Variants in CSMD1 observed in about 807,000 individuals in gnomAD.
CSMD1 encodes the protein CUB and sushi domain-containing protein 1.
A neutral mutation model predicts 417.5 loss-of-function variants in CSMD1; 213 were observed. The observed-to-expected ratio is 0.51, with a 90% CI of 0.46 to 0.57. CSMD1 has a LOEUF of 0.57. Among genes scored for constraint, CSMD1 ranks in the 20% least tolerant of loss-of-function variants. The pLI is 0.00. For synonymous variants in CSMD1, 2,862 were observed against 1,736.8 expected (o/e 1.65, Z -16.11); for missense variants, 6,923 against 4,529.7 (o/e 1.53, Z -15.17).
Position 3,157,478 on chromosome 8 carries a change from C to G in CSMD1, c.5914+419G>C, listed in dbSNP as rs142248812. ...GTTTCCAACATGAAATACTCCATCA[C>G]TCCATCAGTAATCTGTCATTCTGAA... On this transcript the variant is annotated intron_variant, in intron 39 of 69. Transcript: ENST00000635120. Among the ~76,000 whole-genome samples the G allele has an allele frequency of 2.7e-3, 408 of 152,350 alleles. 7 individuals carry two copies. Among genetic ancestry groups the G allele is most frequent in the African/African-American group, 9.4e-3 (389 of 41,586 alleles).
chr8:4,364,340 G>C (rs1801946524), intron 3 of CSMD1, among the ~76,000 whole-genome samples: 1 of 152,202 alleles, frequency 6.6e-6, no homozygotes, highest in Non-Finnish European at 1.5e-5. Flanking sequence ...AAAATAAAGA[G>C]AAATCTTACC....
At chr8:4,345,331 CCTTG>C (rs1800719707) in intron 3 of CSMD1, among the ~76,000 whole-genome samples, 8 of 152,070 alleles carry the variant, frequency 5.3e-5, no homozygotes, top group Admixed American at 5.2e-4. Context: ...TAAATCTTTT[CCTTG>C]CTTGGTTTCC....
intron 2 of CSMD1, among the ~76,000 whole-genome samples, chr8:4,630,808 C>T (rs1280403915): frequency 6.6e-6 from 1 of 152,118 alleles, no homozygotes; most frequent in Non-Finnish European, 1.5e-5. Flanking sequence ...GTTAAGAAGT[C>T]ACCTCTGTGT....
chr8:3,968,004 T>TAAAAAAAAAAAA (rs11330461), intron 5 of CSMD1, among the ~76,000 whole-genome samples: 35 of 98,886 alleles, frequency 3.5e-4, no homozygotes, highest in African/African-American at 9.1e-4. Flanking sequence ...CGTCACTGCT[T>TAAAAAAAAAAAA]AAAAAAAAAA....
intron 2 of CSMD1, among the ~76,000 whole-genome samples, chr8:4,529,406 G>A (rs545861983): frequency 3.3e-5 from 5 of 151,960 alleles, no homozygotes; most frequent in South Asian, 2.1e-4. Context: ...TGGCTAAATT[G>A]TTTTCTTCTG....
chr8:3,868,091 C>T (rs1018478940), intron 5 of CSMD1, among the ~76,000 whole-genome samples: 7 of 152,082 alleles, frequency 4.6e-5, no homozygotes, highest in African/African-American at 1.7e-4. Context: ...ATGCTTAATT[C>T]CTTGCATGCA....
At chr8:3,995,109 T>C (rs1815101079) in intron 5 of CSMD1, among the ~76,000 whole-genome samples, 2 of 152,230 alleles carry the variant, frequency 1.3e-5, no homozygotes, top group Admixed American at 6.5e-5. Context: ...AGACTGTCAC[T>C]GTAGAATTAC....
chr8:3,856,307 G>A (rs539322450), intron 5 of CSMD1, among the ~76,000 whole-genome samples: 26 of 152,222 alleles, frequency 1.7e-4, no homozygotes, highest in Admixed American at 1.6e-3. Flanking sequence ...CGCCATGATT[G>A]TAAGTTTCTT....
intron 26 of CSMD1, among the ~76,000 whole-genome samples, chr8:3,277,407 A>G (rs13256781): frequency 0.64 from 96,779 of 151,924 alleles, 30,938 homozygotes; most frequent in Admixed American, 0.65. Context: ...AAGGCAGGGC[A>G]GCTCAGACCC....
intron 17 of CSMD1, among the ~76,000 whole-genome samples, chr8:3,390,971 C>A (rs1811310993): frequency 6.6e-6 from 1 of 152,114 alleles, no homozygotes; most frequent in African/African-American, 2.4e-5. Flanking sequence ...AGCAAACTGG[C>A]CATGTTACAT....
At chr8:3,639,561 C>T (rs140973075) in intron 7 of CSMD1, among the ~76,000 whole-genome samples, 266 of 152,288 alleles carry the variant, frequency 1.7e-3, no homozygotes, top group Middle Eastern at 6.8e-3. Flanking sequence ...CTTCCTGCCT[C>T]AACCAGACCA....
intron 1 of CSMD1, among the ~76,000 whole-genome samples, chr8:4,818,922 T>C (rs1331930942): frequency 1.3e-5 from 2 of 152,210 alleles, no homozygotes; most frequent in Non-Finnish European, 2.9e-5. Context: ...GGTTTGGAAA[T>C]GGGTTTCTGA....
At chr8:3,975,066 A>C (rs1040987131) in intron 5 of CSMD1, among the ~76,000 whole-genome samples, 1 of 152,208 alleles carries the variant, frequency 6.6e-6, no homozygotes, top group Non-Finnish European at 1.5e-5. Context: ...ACATCTGTAC[A>C]CTGAAGTTTA....
At chr8:3,200,613 C>T (rs570109596) in intron 32 of CSMD1, among the ~76,000 whole-genome samples, 5 of 151,076 alleles carry the variant, frequency 3.3e-5, no homozygotes, top group Non-Finnish European at 5.9e-5. Context: ...TATAAAAGTG[C>T]ATATAAAATG....
chr8:4,944,433 A>G (rs965126080), intron 1 of CSMD1, among the ~76,000 whole-genome samples: 2 of 152,198 alleles, frequency 1.3e-5, no homozygotes, highest in Non-Finnish European at 2.9e-5. Flanking sequence ...TTTTTGAGAT[A>G]TAATTTTCAT....
At chr8:3,862,884 C>T (rs1804814344) in intron 5 of CSMD1, among the ~76,000 whole-genome samples, 1 of 152,146 alleles carries the variant, frequency 6.6e-6, no homozygotes, top group Admixed American at 6.6e-5. Context: ...ATTACTGTGT[C>T]TTAGTTCATT....
intron 5 of CSMD1, among the ~76,000 whole-genome samples, chr8:3,784,188 G>A (rs919793280): frequency 6.6e-6 from 1 of 152,140 alleles, no homozygotes; most frequent in Admixed American, 6.5e-5. Flanking sequence ...GTCACACCTT[G>A]GGAAAGGGGT....
intron 10 of CSMD1, among the ~76,000 whole-genome samples, chr8:3,536,098 ATAT>A (rs1159862947): frequency 2.0e-5 from 3 of 152,212 alleles, no homozygotes; most frequent in Non-Finnish European, 4.4e-5. Flanking sequence ...TAGCTGATAA[ATAT>A]TATCATTGTT....
chr8:4,477,843 G>A (rs539082413), intron 2 of CSMD1, among the ~76,000 whole-genome samples: 1 of 152,144 alleles, frequency 6.6e-6, no homozygotes, highest in Non-Finnish European at 1.5e-5. Context: ...TGGTTTGTTT[G>A]CTTTAACTGG....
Sources: allele counts gnomAD v4.1 joint callset (sites outside exome capture counted in the v4.1 genomes callset), GRCh38; gene constraint gnomAD v4.1.1; transcripts MANE v1.5; gene names NCBI Gene and HGNC (gene_info 2026-07-23, HGNC 2026-07-21).